Variants in CAPN15 observed in about 807,000 individuals in gnomAD.
CAPN15 encodes the protein calpain-15.
CAPN15 carries 53 observed loss-of-function variants against 97.9 expected under a neutral mutation model. The ratio of observed to expected loss-of-function variants is 0.54; its 90% CI spans 0.43 to 0.68. The LOEUF is 0.68. CAPN15 is among the 30% of genes least tolerant of loss of function. CAPN15 has a pLI of 0.00. For synonymous variants in CAPN15, 922 were observed against 722.5 expected (o/e 1.28, Z -4.43); for missense variants, 1,592 against 1,589.8 (o/e 1.00, Z -0.02).
chr16:549,107 A>G lies in CAPN15; in HGVS notation c.1564A>G (p.Asn522Asp). ...VRQWLRPQEI[N>D]CSVFRDHRAT... Reference sequence around the variant, plus strand: ...GCAGTGGCTGCGACCCCAGGAGATCAACTGCTCCGTCTTCAGGGACCACAG... The same window carrying G: ...GCAGTGGCTGCGACCCCAGGAGATCGACTGCTCCGTCTTCAGGGACCACAG... The change falls in exon 5 of 14, where the codon AAC (asparagine) becomes GAC (aspartate). Residue 522 changes from asparagine to aspartate, a missense_variant. Transcript: ENST00000219611. 6.2e-7 allele frequency: 1 copy of G among 1,612,474 alleles called. No individual in the cohort carries two copies. Among genetic ancestry groups the G allele is most frequent in the Non-Finnish European group, 8.5e-7 (1 of 1,179,940 alleles).
At chr16:534,086 C>CCAGCCGTG in intron 2 of CAPN15, 88 bp downstream of exon 2, 1 of 623,750 alleles carries the variant, frequency 1.6e-6, no homozygotes, top group Non-Finnish European at 2.0e-6. Flanking sequence ...GGAGTGCCCA[C>CCAGCCGTG]GGCTGGGGGG....
chr16:547,247 G>A lies in CAPN15; in HGVS notation c.409G>A (p.Glu137Lys), dbSNP rs1008564197. The A allele has an allele frequency of 2.0e-6, 3 of 1,515,478 alleles. No homozygotes were observed. The highest frequency in any genetic ancestry group is 2.7e-5 in the African/African-American group (2 of 72,928). 93.9% of individuals were successfully genotyped at this position (1,515,478 alleles called of 1,614,324 possible). ...GGAGGAGAAGGAGGAGCAGGAGGAG[G>A]AGGAGGGAGCGGCGGAGCCCAGAGG... ...DEEEKEEQEE[E>K]EGAAEPRGGW... is the part of the protein sequence containing the mutation. Residue 137 changes from glutamate to lysine, a missense_variant, in exon 4 of 14, where the codon GAG becomes AAG. By Grantham distance (56) the Glu-to-Lys change is moderately conservative. Coordinates refer to ENST00000219611, the MANE Select transcript of CAPN15 (RefSeq NM_005632.3).
chr16:537,256 T>G, intron 3 of CAPN15: 1 of 985,502 alleles, frequency 1.0e-6, no homozygotes, highest in East Asian at 1.1e-4. Context: ...TGGCTCCAGC[T>G]CAAGAAAGGT....
At position 548,098 on chromosome 16, in the gene CAPN15, C is replaced by G. The variant is rs772078228; in HGVS notation, c.1260C>G (p.Ala420=). The G allele has an allele frequency of 1.4e-4, 217 of 1,541,164 alleles. No individual in the cohort carries two copies. Among genetic ancestry groups the G allele is most frequent in the Non-Finnish European group, 1.8e-4 (209 of 1,144,026 alleles). ...PERPGQWACP[A]CTLLNALRAK... ...GCCCGGGCCAGTGGGCCTGCCCTGC[C>G]TGTACCCTGCTCAACGCACTGCGGG... Residue 420 remains alanine, a synonymous_variant, in exon 4 of 14, where the codon GCC becomes GCG. Coordinates refer to ENST00000219611, the MANE Select transcript of CAPN15 (RefSeq NM_005632.3).
At chr16:550,481 C>T (rs11860554) in intron 7 of CAPN15, among the ~76,000 whole-genome samples, 3 of 152,232 alleles carry the variant, frequency 2.0e-5, no homozygotes, top group African/African-American at 7.2e-5. Flanking sequence ...CAGGAGTGGG[C>T]CCTTCTCTGC....
At position 552,354 on chromosome 16, in the gene CAPN15, G is replaced by A. The variant is rs552887325; in HGVS notation, c.2561G>A (p.Arg854Gln). 34 of 1,596,646 alleles carry A rather than the reference G, an allele frequency of 2.1e-5. No homozygotes were observed. The highest frequency in any genetic ancestry group is 6.8e-5 in the Admixed American group (4 of 58,640). ...CTGGACCTGTGCATCCTGGTGTTCC[G>A]GGCCACGTTCGGCAGCGGCGGCCAC... ...HLLDLCILVF[R>Q]ATFGSGGHLS... Residue 854 changes from arginine to glutamine, a missense_variant, in exon 11 of 14, where the codon CGG becomes CAG. Physicochemically the swap from Arg to Gln is conservative, Grantham distance 43. This residue lies in a region of CAPN15 where 644 missense variants were observed against 699.6 expected (regional missense o/e 0.92). Coordinates refer to ENST00000219611, the MANE Select transcript of CAPN15 (RefSeq NM_005632.3). This position sits in a 1 kb window ranked among gnomAD's most constrained non-coding sequence, Gnocchi z 6.4.
rs762471832 is a variant in CAPN15 at position 551,291 on chromosome 16, C to T, written c.2067-11C>T. On this transcript the variant is annotated splice_polypyrimidine_tract_variant and intron_variant, in intron 7 of 13. Coordinates refer to ENST00000219611, the MANE Select transcript of CAPN15 (RefSeq NM_005632.3). ...AGGGTCCCGGTCGGTGAGGGCCGCT[C>T]TGCCACACAGGTTCCTCATGGGTGC... 77 of 1,584,562 alleles carry T rather than the reference C, an allele frequency of 4.9e-5. No homozygotes were observed. The highest frequency in any genetic ancestry group is 6.4e-5 in the Non-Finnish European group (74 of 1,164,832).
In CAPN15 at chr16:548,296, C is replaced by A. The variant is rs1179641154; in HGVS notation, c.1449+9C>A. Reference sequence around the variant, plus strand: ...TGGCCTTCTGCCGGGAGGTGAGGCGCCCCCTCGCCCTCTTCCTGCTCCTGA... The same window carrying A: ...TGGCCTTCTGCCGGGAGGTGAGGCGACCCCTCGCCCTCTTCCTGCTCCTGA... On this transcript the variant is annotated intron_variant, in intron 4 of 13. Transcript: ENST00000219611. 6.8e-7 allele frequency: 1 copy of A among 1,463,700 alleles called. No homozygotes were observed. The highest frequency in any genetic ancestry group is 9.0e-7 in the Non-Finnish European group (1 of 1,107,840). 90.7% of individuals were successfully genotyped at this position (1,463,700 alleles called of 1,614,324 possible). A position where few individuals can be genotyped will look rare whatever the true frequency, so the allele number is the denominator to read the frequency against.
chr16:553,301 C>T, intron 13 of CAPN15, 38 bp from the exon 14 acceptor site: 1 of 1,525,776 alleles, frequency 6.6e-7, no homozygotes, highest in Non-Finnish European at 9.0e-7. Flanking sequence ...CCATCCCCAC[C>T]CTGCCCTCCA....
intron 4 of CAPN15, among the ~76,000 whole-genome samples, chr16:548,718 G>A (rs2061346595): frequency 6.6e-6 from 1 of 152,254 alleles, no homozygotes; most frequent in African/African-American, 2.4e-5. Context: ...GCAGGGCCAG[G>A]GCCAGAGTCG....
chr16:546,872 T>C lies in CAPN15; in HGVS notation c.34T>C (p.Cys12Arg). The part of the protein sequence containing the change: ...ATVGEWSCVR[C>R]TFLNPAGQRQ... ...GGTCGGAGAGTGGTCCTGTGTGCGC[T>C]GCACCTTCCTGAACCCGGCCGGCCA... The change falls in exon 4 of 14, where the codon TGC (cysteine) becomes CGC (arginine). Residue 12 changes from cysteine (C) to arginine (R), a missense_variant. By Grantham distance (180) the Cys-to-Arg change is radical. Around this residue, in one of 3 missense-constraint regions of CAPN15, gnomAD observed 883 missense variants for 776.6 expected, o/e 1.14. Transcript: ENST00000219611. The C allele has an allele frequency of 6.2e-7, 1 of 1,611,526 alleles. No homozygotes were observed. The highest frequency in any genetic ancestry group is 1.7e-5 in the Admixed American group (1 of 59,952).
rs1234590840 is a variant in CAPN15, at chr16:553,504, C to T, written c.3249C>T (p.Pro1083=). Residue 1083 remains proline, a synonymous_variant, in exon 14 of 14, where the codon CCC becomes CCT. Coordinates refer to ENST00000219611, the MANE Select transcript of CAPN15 (RefSeq NM_005632.3). The part of the protein sequence containing the change: ...LTPEVAGLHG[P]RPL Reference sequence around the variant, plus strand: ...CAGAGGTCGCCGGTCTGCATGGGCCCCGACCGCTGTGACCACCATGCCTGG... The same window carrying T: ...CAGAGGTCGCCGGTCTGCATGGGCCTCGACCGCTGTGACCACCATGCCTGG... 25 of 1,606,122 alleles carry T rather than the reference C, an allele frequency of 1.6e-5. No homozygotes were observed. Among genetic ancestry groups the T allele is most frequent in the Admixed American group, 1.2e-4 (7 of 59,566 alleles).
chr16:529,454 C>CA (rs1734376191), intron 1 of CAPN15, among the ~76,000 whole-genome samples: 1 of 152,236 alleles, frequency 6.6e-6, no homozygotes, highest in Non-Finnish European at 1.5e-5. Flanking sequence ...AAGCTGGAGA[C>CA]AGCTGTTCAT....
intron 3 of CAPN15, among the ~76,000 whole-genome samples, chr16:542,299 G>A (rs1288567877): frequency 6.6e-6 from 1 of 152,172 alleles, no homozygotes; most frequent in African/African-American, 2.4e-5. Flanking sequence ...TAGATACCTA[G>A]GAGTGGGATT....
chr16:551,240 C>G, intron 7 of CAPN15, 62 bp from the exon 8 acceptor site: 1 of 1,512,550 alleles, frequency 6.6e-7, no homozygotes, highest in Non-Finnish European at 8.8e-7. Context: ...TGAGGGTCCC[C>G]GGTCGGTGAG....
intron 2 of CAPN15, among the ~76,000 whole-genome samples, chr16:534,232 A>AGGCGACGGTGGGGGCGGCCC (rs1491120895): frequency 2.5e-5 from 1 of 40,000 alleles, no homozygotes; most frequent in African/African-American, 1.9e-4. Flanking sequence ...GGGTCCCGAC[A>AGGCGACGGTGGGGGCGGCCC]GGGGTGTTTG....
chr16:551,486 C>G (rs375376131), intron 8 of CAPN15, 26 bp from the exon 9 acceptor site: 1 of 1,603,368 alleles, frequency 6.2e-7, no homozygotes, highest in Non-Finnish European at 8.5e-7. Flanking sequence ...CAGTGTGGTT[C>G]AGATCCTCAC....
At chr16:532,803 A>G (rs987992859) in intron 1 of CAPN15, among the ~76,000 whole-genome samples, 3 of 149,982 alleles carry the variant, frequency 2.0e-5, no homozygotes, top group Admixed American at 2.0e-4. Flanking sequence ...CAGTGAGCCG[A>G]GATCACACCA....
chr16:536,256 C>G (rs553524822), intron 3 of CAPN15, 114 bp downstream of exon 3: 27 of 196,340 alleles, frequency 1.4e-4, no homozygotes, highest in African/African-American at 5.9e-4. Context: ...AGCCAGCACC[C>G]ACGGCCGAGA....
Sources: gnomAD v4.1 joint callset for allele counts (sites outside exome capture counted in the v4.1 genomes callset) on GRCh38, gnomAD v4.1.1 for gene constraint, gnomAD v4.1.1 regional missense constraint, Gnocchi (gnomAD v3.1) non-coding constraint, MANE v1.5 for transcripts, NCBI Gene and HGNC (gene_info 2026-07-23, HGNC 2026-07-21) for gene names.